Variants in ARHGAP25 observed in about 807,000 individuals in gnomAD.
The protein encoded by ARHGAP25 is rho GTPase-activating protein 25.
In ARHGAP25, 34 loss-of-function variants were observed where a neutral mutation model predicts 71.0. That is an observed-to-expected ratio of 0.48 (90% CI 0.36 to 0.64). The LOEUF is 0.64. Among genes scored for constraint, ARHGAP25 ranks in the 30% least tolerant of loss-of-function variants. The probability of loss-of-function intolerance (pLI) is 0.00; values close to 1 mark genes in which losing one functional copy is unlikely to be tolerated. For synonymous variants in ARHGAP25, 282 were observed against 296.5 expected (o/e 0.95, Z 0.50); for missense variants, 706 against 805.1 (o/e 0.88, Z 1.49).
chr2:68,715,813 C>T (rs1674596175), intron 2 of ARHGAP25, among the ~76,000 whole-genome samples: 1 of 152,168 alleles, frequency 6.6e-6, no homozygotes, highest in Admixed American at 6.5e-5. Flanking sequence ...CAGTTCCATT[C>T]TGGAACTGTA....
intron 2 of ARHGAP25, among the ~76,000 whole-genome samples, chr2:68,729,011 C>A (rs1411839906): frequency 2.0e-5 from 3 of 152,204 alleles, no homozygotes; most frequent in Non-Finnish European, 4.4e-5. Flanking sequence ...CCACATATTA[C>A]AGTATATGAC....
chr2:68,736,721 A>T (rs1236186490), intron 1 of ARHGAP25, among the ~76,000 whole-genome samples: 1 of 152,204 alleles, frequency 6.6e-6, no homozygotes, highest in African/African-American at 2.4e-5. Context: ...TTCTTAAAGC[A>T]TGGTCCCATA....
chr2:68,816,779 T>C (rs1229082082), intron 7 of ARHGAP25: 1 of 162,222 alleles, frequency 6.2e-6, no homozygotes, highest in East Asian at 1.8e-4. Context: ...CAACTCTAGC[T>C]GTGGATTGAC....
intron 2 of ARHGAP25, among the ~76,000 whole-genome samples, chr2:68,713,657 T>C (rs898074190): frequency 2.6e-5 from 4 of 152,224 alleles, no homozygotes; most frequent in Non-Finnish European, 5.9e-5. Flanking sequence ...TCTTATTATT[T>C]TGAGATACAT....
At chr2:68,795,088 C>CAAAA (rs1033927247) in intron 4 of ARHGAP25, among the ~76,000 whole-genome samples, 3 of 151,934 alleles carry the variant, frequency 2.0e-5, no homozygotes, top group African/African-American at 7.3e-5. Context: ...CTCTGATGAT[C>CAAAA]TTTTGTATTT....
chr2:68,762,468 T>C lies in ARHGAP25; in HGVS notation c.62-12753T>C, dbSNP rs1239370294. 5.3e-5 allele frequency among the ~76,000 whole-genome samples: 8 copies of C among 152,288 alleles called. No homozygotes were observed. The East Asian group carries it at 1.3e-3, about 26-fold the overall frequency. On this transcript the variant is annotated intron_variant, in intron 1 of 10. Transcript: ENST00000409202. Reference sequence around the variant, plus strand: ...GAGAAAAATAGCCCAAGTCAAATATTACAACTCATTTTTCATCTTCAAAAG... The same window carrying C: ...GAGAAAAATAGCCCAAGTCAAATATCACAACTCATTTTTCATCTTCAAAAG...
chr2:68,801,050 G>A (rs1156976976), intron 4 of ARHGAP25, among the ~76,000 whole-genome samples: 1 of 151,990 alleles, frequency 6.6e-6, no homozygotes, highest in Non-Finnish European at 1.5e-5. Flanking sequence ...GGATGTTTCT[G>A]ATTCCAAACT....
intron 1 of ARHGAP25, among the ~76,000 whole-genome samples, chr2:68,740,418 A>G (rs1483400455): frequency 6.6e-6 from 1 of 152,196 alleles, no homozygotes; most frequent in Middle Eastern, 3.4e-3. Flanking sequence ...TTACCTGCCC[A>G]CCTCTCTCTT....
chr2:68,813,095 C>T (rs549676019), intron 5 of ARHGAP25, among the ~76,000 whole-genome samples, 192 bp from the exon 6 acceptor site: 1 of 152,154 alleles, frequency 6.6e-6, no homozygotes, highest in Non-Finnish European at 1.5e-5. Context: ...AACATTTATT[C>T]AAGAATGTTG....
At chr2:68,797,567 C>T (rs1679646957) in intron 4 of ARHGAP25, among the ~76,000 whole-genome samples, 1 of 152,192 alleles carries the variant, frequency 6.6e-6, no homozygotes, top group Non-Finnish European at 1.5e-5. Context: ...ATGCCAGTGG[C>T]TGGAGCCCAC....
chr2:68,803,097 T>C lies in ARHGAP25; in HGVS notation c.467-4176T>C, dbSNP rs564703744. 2.6e-5 allele frequency among the ~76,000 whole-genome samples: 4 copies of C among 152,282 alleles called. No homozygotes were observed. In the East Asian group the frequency reaches 5.8e-4, roughly 22 times the overall value. ...TGATATCTAAATGTGTGGAATCATA[T>C]GCACTTTCCTAAGGAGAATACTAGA... On this transcript the variant is annotated intron_variant, in intron 4 of 10. Coordinates refer to ENST00000409202, the MANE Select transcript of ARHGAP25 (RefSeq NM_001007231.3).
At chr2:68,777,574 G>A (rs1346869132) in intron 2 of ARHGAP25, among the ~76,000 whole-genome samples, 1 of 152,114 alleles carries the variant, frequency 6.6e-6, no homozygotes, top group African/African-American at 2.4e-5. Flanking sequence ...AGATAATTAG[G>A]TAACACTTCT....
intron 3 of ARHGAP25, among the ~76,000 whole-genome samples, chr2:68,783,785 G>T (rs181753411): frequency 8.5e-4 from 130 of 152,188 alleles, no homozygotes; most frequent in Non-Finnish European, 1.4e-3. Flanking sequence ...TCATCTGAAG[G>T]TCTAACTTCC....
At chr2:68,798,803 C>G (rs1679757264) in intron 4 of ARHGAP25, among the ~76,000 whole-genome samples, 1 of 152,042 alleles carries the variant, frequency 6.6e-6, no homozygotes, top group Admixed American at 6.5e-5. Context: ...ATAGCATGTG[C>G]AAAGGTCCTG....
At chr2:68,741,372 C>T (rs1295426992) in intron 1 of ARHGAP25, among the ~76,000 whole-genome samples, 1 of 152,182 alleles carries the variant, frequency 6.6e-6, no homozygotes, top group African/African-American at 2.4e-5. Context: ...CTTTGAGGGA[C>T]TGCAGTGCTT....
Position 68,813,393 on chromosome 2 carries a change from C to A in ARHGAP25, c.781C>A (p.Gln261Lys). Residue 261 changes from glutamine (Q) to lysine (K), a missense_variant, in exon 6 of 11, where the codon CAG becomes AAG. Coordinates refer to ENST00000409202, the MANE Select transcript of ARHGAP25 (RefSeq NM_001007231.3). ...GTACGAAGGGTTCCTGCTCTGTGGG[C>A]AGCTCACGAATGCGGATGAGGCAAA... ...SQYEGFLLCGQLTNADEAKAQ... is the reference protein window; with the variant it reads ...SQYEGFLLCGKLTNADEAKAQ... 6.2e-7 allele frequency: 1 copy of A among 1,613,330 alleles called. No homozygotes were observed. Among genetic ancestry groups the A allele is most frequent in the South Asian group, 1.1e-5 (1 of 90,990 alleles).
intron 6 of ARHGAP25, 157 bp from the exon 7 acceptor site, chr2:68,816,132 C>CTT (rs67399232): frequency 9.0e-6 from 6 of 667,666 alleles, no homozygotes; most frequent in African/African-American, 3.6e-5. Flanking sequence ...AGTTATTTCC[C>CTT]TTTTTTTTTT....
chr2:68,802,469 G>A (rs1042010267), intron 4 of ARHGAP25, among the ~76,000 whole-genome samples: 13 of 151,324 alleles, frequency 8.6e-5, no homozygotes, highest in South Asian at 2.1e-4. Flanking sequence ...AGAGTGTTGC[G>A]GATAATTCTA....
intron 5 of ARHGAP25, among the ~76,000 whole-genome samples, chr2:68,809,395 A>G (rs1026064915): frequency 2.6e-5 from 4 of 152,216 alleles, no homozygotes; most frequent in African/African-American, 7.2e-5. Context: ...AACTCAAGAC[A>G]GGTCAACAAA....
Sources: allele counts gnomAD v4.1 joint callset (sites outside exome capture counted in the v4.1 genomes callset), GRCh38; gene constraint gnomAD v4.1.1; transcripts MANE v1.5; gene names NCBI Gene and HGNC (gene_info 2026-07-23, HGNC 2026-07-21).